Variants in DPP10 observed in about 807,000 individuals in gnomAD.
DPP10 encodes dipeptidyl peptidase like 10.
A neutral mutation model predicts 120.9 loss-of-function variants in DPP10; 33 were observed. The observed-to-expected ratio is 0.27, with a 90% CI of 0.21 to 0.37. The LOEUF is 0.37. Among genes scored for constraint, DPP10 ranks in the 10% least tolerant of loss-of-function variants. DPP10 has a pLI of 1.00. For synonymous variants in DPP10, 337 were observed against 326.1 expected (o/e 1.03, Z -0.36); for missense variants, 816 against 942.8 (o/e 0.87, Z 1.76).
intron 1 of DPP10, among the ~76,000 whole-genome samples, chr2:115,104,002 A>T (rs1421784106): frequency 6.6e-6 from 1 of 152,144 alleles, no homozygotes. Context: ...TATACACCTT[A>T]ACACACAGCC....
At chr2:114,809,692 T>A (rs975781050) in intron 1 of DPP10, among the ~76,000 whole-genome samples, 1 of 152,178 alleles carries the variant, frequency 6.6e-6, no homozygotes, top group African/African-American at 2.4e-5. Context: ...GTCCTCTTAC[T>A]TGGAGGCTGT....
At chr2:114,639,159 A>G (rs1216423911) in intron 1 of DPP10, among the ~76,000 whole-genome samples, 1 of 152,054 alleles carries the variant, frequency 6.6e-6, no homozygotes, top group East Asian at 1.9e-4. Context: ...TCACAGTTCC[A>G]CATGGCTGCA....
intron 1 of DPP10, among the ~76,000 whole-genome samples, chr2:114,470,206 G>A (rs1558786928): frequency 6.6e-6 from 1 of 152,156 alleles, no homozygotes; most frequent in African/African-American, 2.4e-5. Flanking sequence ...TAGCCAAAGA[G>A]TGTTGTTGAT....
chr2:115,126,690 C>G (rs929173183), intron 1 of DPP10, among the ~76,000 whole-genome samples: 2 of 152,060 alleles, frequency 1.3e-5, no homozygotes, highest in Admixed American at 6.6e-5. Flanking sequence ...TCTCTTGTTT[C>G]TTTTTGAGTG....
rs115185156 is a variant in DPP10, at chr2:115,754,989, T to A, written c.1074+1692T>A. The stretch of plus-strand genomic sequence containing the variant: ...TTAAGTACAGTGAAGTGAAGAAATC[T>A]CACATGTGCAGTTAAATGAGTTTTG... On this transcript the variant is annotated intron_variant, in intron 11 of 25. Transcript: ENST00000410059. 3.9e-3 allele frequency among the ~76,000 whole-genome samples: 598 copies of A among 152,164 alleles called. 5 individuals carry two copies. Among genetic ancestry groups the A allele is most frequent in the African/African-American group, 0.013 (557 of 41,532 alleles).
At chr2:115,372,146 T>C in intron 3 of DPP10, among the ~76,000 whole-genome samples, 1 of 152,134 alleles carries the variant, frequency 6.6e-6, no homozygotes, top group East Asian at 1.9e-4. Context: ...ACAATTTTGT[T>C]GATTATAGTT....
intron 3 of DPP10, among the ~76,000 whole-genome samples, chr2:115,474,698 T>C (rs200134100): frequency 9.5e-5 from 14 of 147,252 alleles, no homozygotes; most frequent in African/African-American, 3.0e-4. Flanking sequence ...GTGTAAAAGA[T>C]TGGACAATCT....
chr2:114,851,912 T>G (rs1688972150), intron 1 of DPP10, among the ~76,000 whole-genome samples: 1 of 152,130 alleles, frequency 6.6e-6, no homozygotes, highest in Non-Finnish European at 1.5e-5. Context: ...TTATCTTTAT[T>G]TCTCTTGGAG....
chr2:115,445,183 G>A (rs545323146), intron 3 of DPP10, among the ~76,000 whole-genome samples: 1 of 152,288 alleles, frequency 6.6e-6, no homozygotes, highest in East Asian at 1.9e-4. Flanking sequence ...ATGCAGAACT[G>A]TGAGTCAATT....
chr2:115,736,600 G>A (rs1486610435), intron 8 of DPP10, among the ~76,000 whole-genome samples: 1 of 152,074 alleles, frequency 6.6e-6, no homozygotes, highest in Non-Finnish European at 1.5e-5. Flanking sequence ...TCTCTGTGAT[G>A]ACAAAATGCT....
At chr2:115,258,568 T>C (rs1324046043) in intron 1 of DPP10, among the ~76,000 whole-genome samples, 1 of 151,992 alleles carries the variant, frequency 6.6e-6, no homozygotes, top group African/African-American at 2.4e-5. Flanking sequence ...TAATTTGTAA[T>C]AATAAATAAA....
intron 1 of DPP10, among the ~76,000 whole-genome samples, chr2:114,521,251 G>GACACACACACACACAC (rs60539029): frequency 1.2e-3 from 168 of 144,612 alleles, no homozygotes; most frequent in Admixed American, 1.9e-3. Flanking sequence ...CACATGCACA[G>GACACACACACACACAC]ACACACACAC....
At chr2:114,571,976 T>C (rs974436641) in intron 1 of DPP10, among the ~76,000 whole-genome samples, 3 of 149,002 alleles carry the variant, frequency 2.0e-5, no homozygotes, top group African/African-American at 7.3e-5. Flanking sequence ...ATATATTATG[T>C]ATATGTAGTA....
intron 3 of DPP10, among the ~76,000 whole-genome samples, chr2:115,409,200 C>G (rs929413462): frequency 1.3e-5 from 2 of 151,984 alleles, no homozygotes; most frequent in African/African-American, 4.8e-5. Context: ...CTACTTTATT[C>G]CAATAACTGT....
intron 2 of DPP10, among the ~76,000 whole-genome samples, chr2:115,324,754 G>C (rs2062255710): frequency 6.6e-6 from 1 of 152,156 alleles, no homozygotes; most frequent in Non-Finnish European, 1.5e-5. Context: ...AAGAGGCTTA[G>C]CTTTCAGCCT....
chr2:114,625,215 G>A (rs1388195659), intron 1 of DPP10, among the ~76,000 whole-genome samples: 1 of 151,860 alleles, frequency 6.6e-6, no homozygotes, highest in Non-Finnish European at 1.5e-5. Flanking sequence ...TTGAAGACAC[G>A]AGGTTGTGTG....
intron 1 of DPP10, among the ~76,000 whole-genome samples, chr2:114,957,746 A>G (rs115417764): frequency 0.011 from 1,666 of 152,344 alleles, 26 homozygotes; most frequent in African/African-American, 0.038. Context: ...ACATATATCA[A>G]TTAAAAATGT....
At chr2:114,799,747 C>T (rs1684031846) in intron 1 of DPP10, among the ~76,000 whole-genome samples, 1 of 152,024 alleles carries the variant, frequency 6.6e-6, no homozygotes, top group Non-Finnish European at 1.5e-5. Flanking sequence ...AGTTGGATGT[C>T]CCCTGAGAAA....
chr2:115,104,375 T>C (rs2048846613), intron 1 of DPP10, among the ~76,000 whole-genome samples: 1 of 152,038 alleles, frequency 6.6e-6, no homozygotes, highest in African/African-American at 2.4e-5. Flanking sequence ...TGCAAATGTT[T>C]CACATGACCA....
Sources: gnomAD v4.1 joint callset for allele counts (sites outside exome capture counted in the v4.1 genomes callset) on GRCh38, gnomAD v4.1.1 for gene constraint, MANE v1.5 for transcripts, NCBI Gene and HGNC (gene_info 2026-07-23, HGNC 2026-07-21) for gene names.